PRKG1: variants seen among roughly 807,000 people sequenced by gnomAD.
PRKG1 encodes protein kinase cGMP-dependent 1.
A neutral mutation model predicts 88.1 loss-of-function variants in PRKG1; 35 were observed. The observed-to-expected ratio is 0.40, with a 90% CI of 0.30 to 0.53. The LOEUF is 0.53. PRKG1 is among the 20% of genes least tolerant of loss of function. The probability of loss-of-function intolerance (pLI) is 0.59; values close to 1 mark genes in which losing one functional copy is unlikely to be tolerated. For missense variants in PRKG1, 540 were observed against 839.8 expected (o/e 0.64, Z 4.41); for synonymous variants, 303 against 292.5 (o/e 1.04, Z -0.37).
intron 1 of PRKG1, among the ~76,000 whole-genome samples, chr10:51,044,747 T>C (rs1843466440): frequency 6.6e-6 from 1 of 151,668 alleles, no homozygotes; most frequent in Non-Finnish European, 1.5e-5. Flanking sequence ...GTGGGGAGAG[T>C]GATAGGAGCC....
intron 3 of PRKG1, among the ~76,000 whole-genome samples, chr10:51,728,449 C>CTTTTTTTTTTTTTTTTTTTTTTT (rs201683049): frequency 1.7e-5 from 1 of 57,918 alleles, no homozygotes. Context: ...TCCATTTTTT[C>CTTTTTTTTTTTTTTTTTTTTTTT]TTTGTTTTTT....
At chr10:52,110,815 G>A (rs3862583) in intron 7 of PRKG1, among the ~76,000 whole-genome samples, 17,207 of 152,090 alleles carry the variant, frequency 0.11, 1,244 homozygotes, top group East Asian at 0.32. Context: ...TTGCTACTTT[G>A]TGTGACCAAC....
intron 2 of PRKG1, among the ~76,000 whole-genome samples, chr10:51,211,178 C>T (rs1371182458): frequency 3.3e-5 from 5 of 152,134 alleles, no homozygotes; most frequent in Admixed American, 6.5e-5. Context: ...AATCGATAAA[C>T]GTAATCCAGC....
chr10:51,586,422 G>T lies in PRKG1; in HGVS notation c.592+118586G>T, dbSNP rs140597053. On this transcript the variant is annotated intron_variant, in intron 3 of 17. Transcript: ENST00000373980. ...GATAAAAGGAAGAAATTGACATGAG[G>T]TATCTTCTGATGTGTTGTATTGAGG... Among the ~76,000 whole-genome samples the T allele has an allele frequency of 9.2e-5, 14 of 151,998 alleles. No individual in the cohort carries two copies. In the East Asian group the frequency reaches 1.6e-3, roughly 17 times the overall value.
intron 2 of PRKG1, among the ~76,000 whole-genome samples, chr10:51,307,481 C>A (rs879299518): frequency 1.3e-5 from 2 of 152,224 alleles, no homozygotes; most frequent in East Asian, 3.9e-4. Context: ...TATTTCTGAT[C>A]GTGGTGGTGA....
At chr10:51,550,011 A>C (rs534414148) in intron 3 of PRKG1, among the ~76,000 whole-genome samples, 1 of 152,238 alleles carries the variant, frequency 6.6e-6, no homozygotes, top group African/African-American at 2.4e-5. Flanking sequence ...TTTGAAATCA[A>C]GACAGTGTTT....
chr10:52,226,026 A>ATT lies in PRKG1; in HGVS notation c.1077-25528_1077-25527dup, dbSNP rs71680568. ...ACTAGCATGTAAGTCATGAGGGTTG[A>ATT]TTTTTTTTTTTTTTTTTGGTCTGTT... On this transcript the variant is annotated intron_variant, in intron 9 of 17. Coordinates refer to ENST00000373980, the MANE Select transcript of PRKG1 (RefSeq NM_006258.4). 4.1e-3 allele frequency among the ~76,000 whole-genome samples: 556 copies of ATT among 134,330 alleles called. 3 individuals carry two copies. Among genetic ancestry groups the ATT allele is most frequent in the African/African-American group, 0.011 (415 of 37,546 alleles). The allele number at this position is 134,330 out of a possible 152,430, so 88.1% of individuals were successfully genotyped here. A position where few individuals can be genotyped will look rare whatever the true frequency, so the allele number is the denominator to read the frequency against.
chr10:51,781,142 A>T (rs1838578077), intron 3 of PRKG1, among the ~76,000 whole-genome samples: 1 of 152,130 alleles, frequency 6.6e-6, no homozygotes, highest in Admixed American at 6.6e-5. Context: ...TAAAATCTCC[A>T]CTTTTTGATA....
At position 51,723,357 on chromosome 10, in the gene PRKG1, C is replaced by G. The variant is rs746944255; in HGVS notation, c.593-81228C>G. 4.7e-4 allele frequency among the ~76,000 whole-genome samples: 72 copies of G among 152,128 alleles called. 1 individual carries two copies. The highest frequency in any genetic ancestry group is 9.8e-4 in the Non-Finnish European group (67 of 68,036). On this transcript the variant is annotated intron_variant, in intron 3 of 17. Transcript: ENST00000373980. ...TGAAGCTGGAAACCATCATTCTCAGCAAACTAATACACGAATAGAAAACCA... is the reference window on the plus strand; with the variant it reads ...TGAAGCTGGAAACCATCATTCTCAGGAAACTAATACACGAATAGAAAACCA...
At chr10:52,036,834 T>C (rs12246904) in intron 5 of PRKG1, among the ~76,000 whole-genome samples, 35,749 of 150,658 alleles carry the variant, frequency 0.24, 1,043 homozygotes, top group South Asian at 0.31. Context: ...TTAAGAGGTT[T>C]AGAAGCCTGG....
At chr10:52,083,723 C>T (rs1846838510) in intron 7 of PRKG1, among the ~76,000 whole-genome samples, 1 of 152,010 alleles carries the variant, frequency 6.6e-6, no homozygotes, top group African/African-American at 2.4e-5. Context: ...CATACCTACC[C>T]TGAGTGTTTT....
Position 52,288,938 on chromosome 10 carries a change from C to T in PRKG1, c.1840C>T (p.Pro614Ser). 1.2e-6 allele frequency: 2 copies of T among 1,605,380 alleles called. No homozygotes were observed. Among genetic ancestry groups the T allele is most frequent in the East Asian group, 2.2e-5 (1 of 44,758 alleles). ...NLIKKLCRDN[P>S]SERLGNLKNG... is the part of the protein sequence containing the mutation. The stretch of plus-strand genomic sequence containing the variant: ...CCATTATTTTATTTTTAGGGACAAT[C>T]CATCAGAAAGATTAGGGAATTTGAA... The change falls in exon 16 of 18, where the codon CCA becomes TCA. Residue 614 changes from proline to serine, a missense_variant. Coordinates refer to ENST00000373980, the MANE Select transcript of PRKG1 (RefSeq NM_006258.4).
At chr10:52,202,005 G>T (rs1181392781) in intron 9 of PRKG1, among the ~76,000 whole-genome samples, 2 of 152,070 alleles carry the variant, frequency 1.3e-5, no homozygotes, top group Admixed American at 1.3e-4. Context: ...TGCAAACAGA[G>T]ATAGTTTGAC....
intron 7 of PRKG1, among the ~76,000 whole-genome samples, chr10:52,069,069 A>G (rs1216340558): frequency 6.8e-6 from 1 of 147,036 alleles, no homozygotes; most frequent in Non-Finnish European, 1.5e-5. Context: ...GTTCATGTTA[A>G]TGCAAAAATG....
At chr10:51,147,719 G>A (rs924301119) in intron 1 of PRKG1, among the ~76,000 whole-genome samples, 1 of 152,150 alleles carries the variant, frequency 6.6e-6, no homozygotes, top group Non-Finnish European at 1.5e-5. Flanking sequence ...TTTGGCCAGT[G>A]ATTCCTTTGT....
chr10:51,574,614 T>A (rs944077598), intron 3 of PRKG1, among the ~76,000 whole-genome samples: 1 of 151,978 alleles, frequency 6.6e-6, no homozygotes, highest in Non-Finnish European at 1.5e-5. Context: ...GTGTTACTGT[T>A]AGCTAGTTGT....
At chr10:51,401,213 C>G (rs12246222) in intron 2 of PRKG1, among the ~76,000 whole-genome samples, 2 of 152,164 alleles carry the variant, frequency 1.3e-5, no homozygotes, top group Non-Finnish European at 2.9e-5. Flanking sequence ...ATTCTACATT[C>G]TTTTTAAGCT....
At position 51,387,612 on chromosome 10, in the gene PRKG1, T is replaced by C. The variant is rs180815098; in HGVS notation, c.479-80111T>C. Among the ~76,000 whole-genome samples, 20 of 152,270 alleles carry C rather than the reference T, an allele frequency of 1.3e-4. No homozygotes were observed. The East Asian group carries it at 3.5e-3, about 26-fold the overall frequency. On this transcript the variant is annotated intron_variant, in intron 2 of 17. Coordinates refer to ENST00000373980, the MANE Select transcript of PRKG1 (RefSeq NM_006258.4). ...GGAAGGCTTGGTACCTGAATTGATA[T>C]TGAAACATTCATATGACAAATATTC...
At chr10:51,356,992 C>T (rs537616460) in intron 2 of PRKG1, among the ~76,000 whole-genome samples, 15 of 152,022 alleles carry the variant, frequency 9.9e-5, no homozygotes, top group Admixed American at 1.3e-4. Flanking sequence ...GTGGACTCTC[C>T]GTAAGTGGTT....
Sources: gnomAD v4.1 joint callset for allele counts (sites outside exome capture counted in the v4.1 genomes callset) on GRCh38, gnomAD v4.1.1 for gene constraint, MANE v1.5 for transcripts, NCBI Gene and HGNC (gene_info 2026-07-23, HGNC 2026-07-21) for gene names.